The following WDPCP variants were observed in gnomAD, a reference collection of about 807,000 sequenced individuals.
The protein encoded by WDPCP is WD repeat containing planar cell polarity effector, also known as WD repeat-containing and planar cell polarity effector protein fritz homolog.
WDPCP carries 71 observed loss-of-function variants against 93.1 expected under a neutral mutation model. The observed-to-expected ratio is 0.76, with a 90% confidence interval of 0.63 to 0.93. The LOEUF is 0.93. WDPCP is among the 40% of genes least tolerant of loss of function. The pLI, the probability that WDPCP is intolerant of heterozygous loss-of-function variation, is 0.00. For synonymous variants in WDPCP, 315 were observed against 315.0 expected (o/e 1.00, Z 0.00); for missense variants, 844 against 887.4 (o/e 0.95, Z 0.62).
chr2:63,242,904 G>C (rs1209054390), intron 14 of WDPCP, among the ~76,000 whole-genome samples: 2 of 152,146 alleles, frequency 1.3e-5, no homozygotes, highest in Non-Finnish European at 2.9e-5. Context: ...CAATGATGTA[G>C]ATGAAGGCTT....
chr2:63,602,172 C>T (rs1709431510), intron 3 of WDPCP, among the ~76,000 whole-genome samples: 1 of 152,136 alleles, frequency 6.6e-6, no homozygotes. Context: ...AAACTTTTAA[C>T]TATTTTAGGA....
chr2:63,534,933 A>G (rs1480294371), intron 1 of WDPCP, among the ~76,000 whole-genome samples: 1 of 152,250 alleles, frequency 6.6e-6, no homozygotes, highest in African/African-American at 2.4e-5. Flanking sequence ...TCCTGTTTGC[A>G]GATGACACGA....
At chr2:63,729,335 T>C (rs114201252) in intron 2 of WDPCP, among the ~76,000 whole-genome samples, 224 of 152,124 alleles carry the variant, frequency 1.5e-3, no homozygotes, top group African/African-American at 5.1e-3. Context: ...CAAAAAATGA[T>C]AAAAAAAATA....
intron 14 of WDPCP, among the ~76,000 whole-genome samples, chr2:63,242,525 G>A (rs2104650281): frequency 6.6e-6 from 1 of 152,304 alleles, no homozygotes; most frequent in Non-Finnish European, 1.5e-5. Flanking sequence ...AGGAAGCTGA[G>A]GCAGGAGGAT....
chr2:63,554,630 G>A lies in WDPCP; in HGVS notation c.75+33567C>T, dbSNP rs183321800. Among the ~76,000 whole-genome samples the A allele has an allele frequency of 2.4e-3, 351 of 146,666 alleles. 1 individual carries two copies. The highest frequency in any genetic ancestry group is 0.01 in the Middle Eastern group (3 of 288). On this transcript the variant is annotated intron_variant, in intron 1 of 17. Coordinates refer to ENST00000272321, the MANE Select transcript of WDPCP (RefSeq NM_015910.7). Reference sequence around the variant, plus strand: ...ATTGCGCCATTGCTCTCCAGCCTGGGTAACAAAGCGAAACTCCGTCTCAAA... The same window carrying A: ...ATTGCGCCATTGCTCTCCAGCCTGGATAACAAAGCGAAACTCCGTCTCAAA...
At chr2:63,593,826 C>A (rs1349978524) in intron 3 of WDPCP, among the ~76,000 whole-genome samples, 1 of 152,090 alleles carries the variant, frequency 6.6e-6, no homozygotes, top group Admixed American at 6.5e-5. Context: ...AGAGTCATCA[C>A]TTTGAATATC....
intron 13 of WDPCP, among the ~76,000 whole-genome samples, chr2:63,282,694 A>G (rs983572744): frequency 3.9e-5 from 6 of 152,178 alleles, no homozygotes; most frequent in Non-Finnish European, 8.8e-5. Context: ...AAAATAAATA[A>G]AAGTGAAAGG....
At chr2:63,195,717 C>CA (rs1020377451) in intron 14 of WDPCP, among the ~76,000 whole-genome samples, 14 of 151,394 alleles carry the variant, frequency 9.2e-5, no homozygotes, top group African/African-American at 2.9e-4. Context: ...TAAAAATATC[C>CA]AAAAAAATTA....
At chr2:63,167,181 G>A (rs1283909925) in intron 15 of WDPCP, among the ~76,000 whole-genome samples, 1 of 152,154 alleles carries the variant, frequency 6.6e-6, no homozygotes, top group Non-Finnish European at 1.5e-5. Context: ...CTACAACAGA[G>A]TTAAATAGTT....
rs182069308 is a variant in WDPCP at position 63,153,077 on chromosome 2, T to C, written c.2159-132A>G. 1,927 of 749,474 alleles carry C rather than the reference T, an allele frequency of 2.6e-3. 5 individuals carry two copies. Among genetic ancestry groups the C allele is most frequent in the Middle Eastern group, 6.5e-3 (17 of 2,628 alleles). 46.4% of individuals were successfully genotyped at this position (749,474 alleles called of 1,614,324 possible). A position where few individuals can be genotyped will look rare whatever the true frequency, so the allele number is the denominator to read the frequency against. ...TACAATGCTGAGAACTCTAGAGAAA[T>C]AAAAAACCAAACCTTAACATAGTAT... On this transcript the variant is annotated intron_variant, in intron 16 of 17. Coordinates refer to ENST00000272321, the MANE Select transcript of WDPCP (RefSeq NM_015910.7).
chr2:63,455,710 A>G lies in WDPCP; in HGVS notation c.385-15839T>C, dbSNP rs374741613. Among the ~76,000 whole-genome samples, 8 of 152,286 alleles carry G rather than the reference A, an allele frequency of 5.3e-5. No individual in the cohort carries two copies. In the South Asian group the frequency reaches 1.2e-3, roughly 24 times the overall value. Reference sequence around the variant, plus strand: ...AATATTGCCAGATCTAATGAAAGAGACAGACTCCAACACAATAATAGTAGG... The same window carrying G: ...AATATTGCCAGATCTAATGAAAGAGGCAGACTCCAACACAATAATAGTAGG... On this transcript the variant is annotated intron_variant, in intron 6 of 17. Transcript: ENST00000272321.
Position 63,162,846 on chromosome 2 carries a change from A to G in WDPCP, c.2079-9272T>C, listed in dbSNP as rs144370621. 1.4e-3 allele frequency among the ~76,000 whole-genome samples: 219 copies of G among 152,326 alleles called. 1 individual carries two copies. Among genetic ancestry groups the G allele is most frequent in the African/African-American group, 4.7e-3 (194 of 41,580 alleles). Reference sequence around the variant, plus strand: ...GGTTAAGGATTTCAAAATATGTAATATAGATAAGGCTTTATACATGAAATT... The same window carrying G: ...GGTTAAGGATTTCAAAATATGTAATGTAGATAAGGCTTTATACATGAAATT... On this transcript the variant is annotated intron_variant, in intron 15 of 17. Transcript: ENST00000272321.
chr2:63,508,166 C>T (rs542989387), intron 1 of WDPCP, among the ~76,000 whole-genome samples: 3 of 151,966 alleles, frequency 2.0e-5, no homozygotes, highest in Admixed American at 2.0e-4. Flanking sequence ...AGGGAAAAAA[C>T]GTTAAGGGAA....
chr2:63,139,469 A>T (rs1670902437), intron 17 of WDPCP, among the ~76,000 whole-genome samples: 1 of 152,148 alleles, frequency 6.6e-6, no homozygotes, highest in Non-Finnish European at 1.5e-5. Flanking sequence ...TGTTCACCAC[A>T]TCCACGCCCA....
chr2:63,420,236 A>C (rs1436604655), intron 9 of WDPCP, among the ~76,000 whole-genome samples: 2 of 152,008 alleles, frequency 1.3e-5, no homozygotes, highest in African/African-American at 2.4e-5. Context: ...AATGAAATAA[A>C]TATTGGCCAG....
At chr2:63,419,781 T>C (rs766597190) in intron 9 of WDPCP, among the ~76,000 whole-genome samples, 13 of 152,194 alleles carry the variant, frequency 8.5e-5, no homozygotes, top group Non-Finnish European at 1.3e-4. Flanking sequence ...TCACCTGATA[T>C]ATAAATCAGG....
intron 2 of WDPCP, among the ~76,000 whole-genome samples, chr2:63,806,270 G>C (rs1367679518): frequency 6.6e-6 from 1 of 152,136 alleles, no homozygotes; most frequent in Non-Finnish European, 1.5e-5. Context: ...CAGGCGTCCG[G>C]GGGGGACATC....
At chr2:63,367,122 G>T (rs537592059) in intron 12 of WDPCP, among the ~76,000 whole-genome samples, 1 of 151,230 alleles carries the variant, frequency 6.6e-6, no homozygotes, top group Non-Finnish European at 1.5e-5. Context: ...AAAGCAGGTG[G>T]TAACAGGGAG....
chr2:63,550,749 G>GTA (rs1309101125), intron 1 of WDPCP, among the ~76,000 whole-genome samples: 25 of 145,360 alleles, frequency 1.7e-4, no homozygotes, highest in Admixed American at 1.6e-3. Flanking sequence ...ATATGTATGT[G>GTA]TATATATATA....
Sources: allele counts gnomAD v4.1 joint callset (sites outside exome capture counted in the v4.1 genomes callset), GRCh38; gene constraint gnomAD v4.1.1; transcripts MANE v1.5; gene names NCBI Gene and HGNC (gene_info 2026-07-23, HGNC 2026-07-21).